Variants in GRIK2 observed in about 807,000 individuals in gnomAD.
The protein encoded by GRIK2 is glutamate receptor ionotropic, kainate 2.
Under a neutral mutation model 100.3 loss-of-function variants are expected in GRIK2, and 32 were observed. The ratio of observed to expected loss-of-function variants is 0.32; its 90% CI spans 0.24 to 0.43. The LOEUF is 0.43. Ranked by LOEUF, GRIK2 falls within the 20% of genes least tolerant of loss-of-function variation. GRIK2 has a pLI of 1.00. For missense variants in GRIK2, 843 were observed against 1,114.9 expected, an observed-to-expected ratio of 0.76 and a Z score of 3.47; for synonymous variants, 417 against 389.4, an observed-to-expected ratio of 1.07 and a Z score of -0.83.
intron 14 of GRIK2, among the ~76,000 whole-genome samples, chr6:101,948,222 G>C (rs966600460): frequency 6.6e-6 from 1 of 151,650 alleles, no homozygotes; most frequent in Non-Finnish European, 1.5e-5. Context: ...AGAATGGTTG[G>C]GTAGGAGCAT....
At chr6:101,777,540 T>C (rs181223335) in intron 7 of GRIK2, among the ~76,000 whole-genome samples, 45 of 152,342 alleles carry the variant, frequency 3.0e-4, no homozygotes, top group Admixed American at 1.8e-3. Context: ...AGAAAATCTT[T>C]AGATCATCAT....
At chr6:101,969,721 A>G (rs1216207092) in intron 14 of GRIK2, among the ~76,000 whole-genome samples, 3 of 152,100 alleles carry the variant, frequency 2.0e-5, no homozygotes, top group East Asian at 1.9e-4. Flanking sequence ...TGAAATGTCA[A>G]TGACTACATA....
chr6:101,527,657 G>T (rs1165197054), intron 2 of GRIK2, among the ~76,000 whole-genome samples: 2 of 152,120 alleles, frequency 1.3e-5, no homozygotes, highest in African/African-American at 2.4e-5. Context: ...GTGCACAGTG[G>T]TTTTTCTGGT....
chr6:101,889,932 A>C (rs1167888906), intron 12 of GRIK2, 69 bp downstream of exon 12: 1 of 843,444 alleles, frequency 1.2e-6, no homozygotes, highest in African/African-American at 1.7e-5. Context: ...AATTGTCAAA[A>C]GTCACAATCA....
chr6:101,448,617 A>G (rs1770501520), intron 2 of GRIK2, among the ~76,000 whole-genome samples: 1 of 151,574 alleles, frequency 6.6e-6, no homozygotes. Flanking sequence ...AACAAAAATG[A>G]TGTTTCTGGT....
chr6:102,035,346 A>G lies in GRIK2; in HGVS notation c.2091A>G (p.Ser697=). 6.3e-7 allele frequency: 1 copy of G among 1,586,324 alleles called. No homozygotes were observed. Among genetic ancestry groups the G allele is most frequent in the Non-Finnish European group, 8.6e-7 (1 of 1,158,508 alleles). ...CTTATATTTATTTTCTTCAGAAATC[A>G]AAAATCTCCACGTATGACAAAATGT... ...DGATMTFFKK[S]KISTYDKMWA... The change falls in exon 15 of 17, where the codon TCA becomes TCG. Residue 697 remains serine, a synonymous_variant. Coordinates refer to ENST00000369134, the MANE Select transcript of GRIK2 (RefSeq NM_021956.5).
chr6:101,984,062 G>T (rs1369910613), intron 14 of GRIK2, among the ~76,000 whole-genome samples: 1 of 151,666 alleles, frequency 6.6e-6, no homozygotes, highest in Non-Finnish European at 1.5e-5. Context: ...AAAAACTTAT[G>T]TGCTCTACAT....
At chr6:101,675,567 T>A (rs1770775074) in intron 4 of GRIK2, among the ~76,000 whole-genome samples, 1 of 152,100 alleles carries the variant, frequency 6.6e-6, no homozygotes, top group South Asian at 2.1e-4. Flanking sequence ...TTCACACTCT[T>A]TTATATAGTG....
At chr6:101,858,163 T>A (rs1021859285) in intron 10 of GRIK2, among the ~76,000 whole-genome samples, 3 of 152,168 alleles carry the variant, frequency 2.0e-5, no homozygotes, top group African/African-American at 7.2e-5. Flanking sequence ...TGACCTATTT[T>A]ATGTTTTTAT....
intron 12 of GRIK2, among the ~76,000 whole-genome samples, chr6:101,896,150 C>T (rs544110209): frequency 2.2e-4 from 33 of 151,756 alleles, no homozygotes; most frequent in African/African-American, 8.0e-4. Context: ...GAGTCACCAA[C>T]CCAGAAAAAA....
chr6:102,007,920 G>A (rs529058042), intron 14 of GRIK2, among the ~76,000 whole-genome samples: 4 of 152,112 alleles, frequency 2.6e-5, no homozygotes, highest in African/African-American at 7.2e-5. Context: ...GTAAGGGAAA[G>A]GGGTTCCATT....
At position 102,041,802 on chromosome 6, in the gene GRIK2, A is replaced by T. The variant is rs903404416; in HGVS notation, c.2311+6236A>T. ...CTAATACGAGGTTTTAGAAAATTAA[A>T]AAAAAAAAGTGTTTTGAAGAAATGT... is the stretch of plus-strand genomic sequence containing the variant. On this transcript the variant is annotated intron_variant, in intron 15 of 16. Coordinates refer to ENST00000369134, the MANE Select transcript of GRIK2 (RefSeq NM_021956.5). Among the ~76,000 whole-genome samples, 490 of 151,294 alleles carry T rather than the reference A, an allele frequency of 3.2e-3. 2 individuals are homozygous for T. Among genetic ancestry groups the T allele is most frequent in the African/African-American group, 0.011 (474 of 41,384 alleles).
intron 11 of GRIK2, among the ~76,000 whole-genome samples, chr6:101,869,679 G>GA (rs1230114273): frequency 6.6e-6 from 1 of 151,714 alleles, no homozygotes; most frequent in Non-Finnish European, 1.5e-5. Context: ...GGCTTTTGAG[G>GA]AAAAAAGGGC....
chr6:101,950,442 G>T (rs145905117), intron 14 of GRIK2, among the ~76,000 whole-genome samples: 2 of 152,100 alleles, frequency 1.3e-5, no homozygotes, highest in African/African-American at 2.4e-5. Flanking sequence ...ATCAATCTCA[G>T]GATCCAAAAT....
At chr6:101,612,000 A>G (rs998406456) in intron 2 of GRIK2, among the ~76,000 whole-genome samples, 1 of 151,896 alleles carries the variant, frequency 6.6e-6, no homozygotes, top group African/African-American at 2.4e-5. Flanking sequence ...GAGGAAAGTT[A>G]TTGAGAAAAT....
At chr6:101,709,262 G>A (rs1773544871) in intron 7 of GRIK2, among the ~76,000 whole-genome samples, 1 of 151,656 alleles carries the variant, frequency 6.6e-6, no homozygotes, top group African/African-American at 2.4e-5. Context: ...CCGTGGCCCT[G>A]CAGGAACCTT....
chr6:101,760,274 G>A (rs1173408444), intron 7 of GRIK2, among the ~76,000 whole-genome samples: 2 of 138,604 alleles, frequency 1.4e-5, no homozygotes, highest in East Asian at 4.2e-4. Context: ...TATGAATTCA[G>A]TGATATTTAA....
chr6:101,631,464 C>A (rs1046410922), intron 4 of GRIK2, among the ~76,000 whole-genome samples: 3 of 152,062 alleles, frequency 2.0e-5, no homozygotes, highest in African/African-American at 7.2e-5. Context: ...GAAATGCCTG[C>A]AGAAATGAGC....
intron 2 of GRIK2, among the ~76,000 whole-genome samples, chr6:101,606,818 A>C (rs969272785): frequency 2.0e-5 from 3 of 151,946 alleles, no homozygotes; most frequent in African/African-American, 7.2e-5. Context: ...CTTTTCCTGC[A>C]TTAGAGGAAA....
Sources: allele counts gnomAD v4.1 joint callset (sites outside exome capture counted in the v4.1 genomes callset), GRCh38; gene constraint gnomAD v4.1.1; transcripts MANE v1.5; gene names NCBI Gene and HGNC (gene_info 2026-07-23, HGNC 2026-07-21).